RASGRP4: variants seen among roughly 807,000 people sequenced by gnomAD.
The protein encoded by RASGRP4 is RAS guanyl-releasing protein 4.
A neutral mutation model predicts 84.4 loss-of-function variants in RASGRP4; 52 were observed. The observed-to-expected ratio is 0.62, with a 90% CI of 0.49 to 0.78. RASGRP4 has a LOEUF of 0.78. RASGRP4 is among the 30% of genes least tolerant of loss of function. The probability of loss-of-function intolerance (pLI) is 0.00; values close to 1 mark genes in which losing one functional copy is unlikely to be tolerated. For missense variants in RASGRP4, 760 were observed against 886.9 expected (o/e 0.86, Z 1.82); for synonymous variants, 356 against 359.1 (o/e 0.99, Z 0.10).
At chr19:38,424,029 G>A (rs115438109) in intron 1 of RASGRP4, among the ~76,000 whole-genome samples, 83 of 152,236 alleles carry the variant, frequency 5.5e-4, no homozygotes, top group African/African-American at 1.8e-3. Context: ...TTGTGACTTC[G>A]TGTTAGTCAC....
Position 38,412,856 on chromosome 19 carries a change from C to A in RASGRP4, c.1536-40G>T. 1.2e-6 allele frequency: 2 copies of A among 1,611,758 alleles called. No individual in the cohort carries two copies. The highest frequency in any genetic ancestry group is 1.7e-6 in the Non-Finnish European group (2 of 1,178,570). On this transcript the variant is annotated intron_variant, in intron 12 of 16. Coordinates refer to ENST00000615439, the MANE Select transcript of RASGRP4 (RefSeq NM_170604.3). The surrounding 1 kb of genome is among the most constrained non-coding windows in gnomAD (Gnocchi z 4.6). ...TGAGCCTCAGCATGACCTGCCCCAA[C>A]GTCCTCCAGACCCAGGAGTCCAGGC...
Position 38,422,074 on chromosome 19 carries a change from T to C in RASGRP4, c.103A>G (p.Ser35Gly). The change falls in exon 2 of 17, where the codon AGC (serine) becomes GGC (glycine). Residue 35 changes from serine to glycine, a missense_variant. Physicochemically the swap from Ser to Gly is moderately conservative, Grantham distance 56 (BLOSUM62 0). Coordinates refer to ENST00000615439, the MANE Select transcript of RASGRP4 (RefSeq NM_170604.3). ...RQVRRHKTCP[S>G]PREISKVMAS... is the part of the protein sequence containing the mutation. ...ATGACCTTGCTGATTTCCCGAGGGC[T>C]GGGGCATGTCTTGTGGCGGCGCACT... 6.2e-7 allele frequency: 1 copy of C among 1,613,854 alleles called. No individual in the cohort carries two copies. Among genetic ancestry groups the C allele is most frequent in the Non-Finnish European group, 8.5e-7 (1 of 1,179,858 alleles).
At chr19:38,425,686 C>T (rs1461100720) in intron 1 of RASGRP4, among the ~76,000 whole-genome samples, 3 of 152,134 alleles carry the variant, frequency 2.0e-5, no homozygotes, top group Non-Finnish European at 2.9e-5. Flanking sequence ...GCAGGGGAGT[C>T]GCCTTGCCCT....
Position 38,418,620 on chromosome 19 carries a change from T to C in RASGRP4, c.664-56A>G. ...GTGGCGCTCAGGCCCTGCCCTTCCA[T>C]GGCATCCAACTAGCAGTCACGATCT... On this transcript the variant is annotated intron_variant, in intron 6 of 16. Transcript: ENST00000615439. The surrounding 1 kb of genome is among the most constrained non-coding windows in gnomAD (Gnocchi z 4.6). 1 of 1,429,380 alleles carries C rather than the reference T, an allele frequency of 7.0e-7. No individual in the cohort carries two copies. Among genetic ancestry groups the C allele is most frequent in the Non-Finnish European group, 9.2e-7 (1 of 1,082,966 alleles). 88.5% of individuals were successfully genotyped at this position (1,429,380 alleles called of 1,614,324 possible). A position where few individuals can be genotyped will look rare whatever the true frequency, so the allele number is the denominator to read the frequency against.
rs751644039 is a variant in RASGRP4 at position 38,410,014 on chromosome 19, G to A, written c.*26C>T. 6 of 1,596,640 alleles carry A rather than the reference G, an allele frequency of 3.8e-6. No individual in the cohort carries two copies. In the African/African-American group the frequency reaches 6.7e-5, roughly 18 times the overall value. On this transcript the variant is annotated 3_prime_UTR_variant, in exon 17 of 17. Coordinates refer to ENST00000615439, the MANE Select transcript of RASGRP4 (RefSeq NM_170604.3). ...TCAGGACTGACTGGGGGAAGGGAGT[G>A]AGGAAGAGAGGAGACCAAGAGATGT...
chr19:38,410,656 T>G (rs936655094), intron 16 of RASGRP4, among the ~76,000 whole-genome samples: 4 of 152,040 alleles, frequency 2.6e-5, no homozygotes, highest in African/African-American at 9.7e-5. Context: ...CAAGTGATCC[T>G]CCCACCTCAG....
In RASGRP4 at chr19:38,410,307, T is replaced by A. The variant is rs74387292; in HGVS notation, c.1966-211A>T. Among the ~76,000 whole-genome samples, 311 of 152,250 alleles carry A rather than the reference T, an allele frequency of 2.0e-3. 3 individuals are homozygous for A. The East Asian group carries it at 0.044, about 21-fold the overall frequency. ...CATTAACCCGTACAGTAGCTCCTGA[T>A]ATATTTGGCCTTATTCTTGCTATCT... On this transcript the variant is annotated intron_variant, in intron 16 of 16. Transcript: ENST00000615439.
At chr19:38,422,745 C>T (rs935012699) in intron 1 of RASGRP4, among the ~76,000 whole-genome samples, 4 of 152,018 alleles carry the variant, frequency 2.6e-5, no homozygotes, top group Non-Finnish European at 5.9e-5. Flanking sequence ...CACTGATTCT[C>T]CATTATGGTG....
rs1971542480 is a variant in RASGRP4 at position 38,417,379 on chromosome 19, G to A, written c.838-211C>T. 6.6e-6 allele frequency among the ~76,000 whole-genome samples: 1 copy of A among 152,118 alleles called. No individual in the cohort carries two copies. The highest frequency in any genetic ancestry group is 2.4e-5 in the African/African-American group (1 of 41,402). On this transcript the variant is annotated intron_variant, in intron 7 of 16. Coordinates refer to ENST00000615439, the MANE Select transcript of RASGRP4 (RefSeq NM_170604.3). This position sits in a 1 kb window ranked among gnomAD's most constrained non-coding sequence, Gnocchi z 5.1. ...GTCAGATGGCTATCTGAGCCGGGAG[G>A]GTCAAGCAAGTGATTGACTGATACG...
rs1378987655 is a variant in RASGRP4, at chr19:38,413,173, G to A, written c.1416+20C>T. On this transcript the variant is annotated intron_variant, in intron 11 of 16. Coordinates refer to ENST00000615439, the MANE Select transcript of RASGRP4 (RefSeq NM_170604.3). This position sits in a 1 kb window ranked among gnomAD's most constrained non-coding sequence, Gnocchi z 4.7. ...CTTCCCTCCTGGCTGCTGGCGGCCG[G>A]GCCACCCTCCCCTCCTTACCTCCAC... is the stretch of plus-strand genomic sequence containing the variant. The A allele has an allele frequency of 3.7e-6, 6 of 1,607,378 alleles. No homozygotes were observed. Among genetic ancestry groups the A allele is most frequent in the Non-Finnish European group, 5.1e-6 (6 of 1,175,004 alleles).
In RASGRP4 at chr19:38,418,216, G is replaced by A. The variant is rs1447948981; in HGVS notation, c.837+175C>T. ...GTGGGTGCGACGCGGTGACATCAAG[G>A]CCAAAGAAGAAGTTACGGTCCTTGG... On this transcript the variant is annotated intron_variant, in intron 7 of 16. Coordinates refer to ENST00000615439, the MANE Select transcript of RASGRP4 (RefSeq NM_170604.3). This position sits in a 1 kb window ranked among gnomAD's most constrained non-coding sequence, Gnocchi z 4.6. Among the ~76,000 whole-genome samples, 1 of 152,042 alleles carries A rather than the reference G, an allele frequency of 6.6e-6. No homozygotes were observed. The highest frequency in any genetic ancestry group is 1.5e-5 in the Non-Finnish European group (1 of 67,980).
At chr19:38,410,859 T>C (rs574544267) in intron 16 of RASGRP4, 27 bp downstream of exon 16, 40 of 1,492,102 alleles carry the variant, frequency 2.7e-5, no homozygotes, top group Middle Eastern at 1.7e-4. Context: ...CTGTATCCAC[T>C]TGGGGGTAGG....
At chr19:38,414,190 G>A (rs1390502963) in intron 9 of RASGRP4, among the ~76,000 whole-genome samples, 1 of 152,194 alleles carries the variant, frequency 6.6e-6, no homozygotes, top group Non-Finnish European at 1.5e-5. Flanking sequence ...CTCCCAAAGT[G>A]CTAGGATTAG....
At chr19:38,410,150 T>TG in intron 16 of RASGRP4, 54 bp from the exon 17 acceptor site, 1 of 1,446,326 alleles carries the variant, frequency 6.9e-7, no homozygotes, top group Non-Finnish European at 9.7e-7. Context: ...GAGCATATGA[T>TG]GTCTAGGAGA....
rs1971586930 is a variant in RASGRP4, at chr19:38,418,268, G to C, written c.837+123C>G. 2.0e-6 allele frequency: 2 copies of C among 1,004,614 alleles called. No homozygotes were observed. Among genetic ancestry groups the C allele is most frequent in the Non-Finnish European group, 3.0e-6 (2 of 676,714 alleles). 62.2% of individuals were successfully genotyped at this position (1,004,614 alleles called of 1,614,324 possible). ...TGGAATGCCCAGGCTGTGGCCTCGGGGGCGGGGCCGGGAGATGCGTGACGT... is the reference window on the plus strand; with the variant it reads ...TGGAATGCCCAGGCTGTGGCCTCGGCGGCGGGGCCGGGAGATGCGTGACGT... On this transcript the variant is annotated intron_variant, in intron 7 of 16. Coordinates refer to ENST00000615439, the MANE Select transcript of RASGRP4 (RefSeq NM_170604.3). The surrounding 1 kb of genome is among the most constrained non-coding windows in gnomAD (Gnocchi z 4.6).
chr19:38,418,618 C>T lies in RASGRP4; in HGVS notation c.664-54G>A. On this transcript the variant is annotated intron_variant, in intron 6 of 16. Transcript: ENST00000615439. This position sits in a 1 kb window ranked among gnomAD's most constrained non-coding sequence, Gnocchi z 4.6. ...CCGTGGCGCTCAGGCCCTGCCCTTC[C>T]ATGGCATCCAACTAGCAGTCACGAT... 7.0e-6 allele frequency: 10 copies of T among 1,430,566 alleles called. No homozygotes were observed. The highest frequency in any genetic ancestry group is 8.3e-6 in the Non-Finnish European group (9 of 1,083,548). The allele number at this position is 1,430,566 out of a possible 1,614,324, so 88.6% of individuals were successfully genotyped here.
In RASGRP4 at chr19:38,412,424, C is replaced by T; in HGVS notation, c.1680+248G>A. ...GGCGTGAGCCACCACTCCTGGCCTC[C>T]TATCTAGAGTTTTAGGTATTATCCA... On this transcript the variant is annotated intron_variant, in intron 13 of 16. Transcript: ENST00000615439. This position sits in a 1 kb window ranked among gnomAD's most constrained non-coding sequence, Gnocchi z 4.6. 1 of 492,112 alleles carries T rather than the reference C, an allele frequency of 2.0e-6. No homozygotes were observed. The highest frequency in any genetic ancestry group is 3.6e-6 in the Non-Finnish European group (1 of 276,492). 30.5% of individuals were successfully genotyped at this position (492,112 alleles called of 1,614,324 possible).
At chr19:38,422,194 T>C in intron 1 of RASGRP4, 41 bp from the exon 2 acceptor site, 1 of 1,550,338 alleles carries the variant, frequency 6.5e-7, no homozygotes, top group Non-Finnish European at 8.7e-7. Flanking sequence ...AGCACCTTCT[T>C]TCGGACAGAC....
In RASGRP4 at chr19:38,417,092, A is replaced by G; in HGVS notation, c.914T>C (p.Leu305Pro). The change falls in exon 8 of 17, where the codon CTC (leucine) becomes CCC (proline). Residue 305 changes from leucine to proline, a missense_variant. Transcript: ENST00000615439. This position sits in a 1 kb window ranked among gnomAD's most constrained non-coding sequence, Gnocchi z 5.1. Reference protein sequence around the residue: ...GGLCHSAISRLKDSHAHLSPD... With the variant: ...GGLCHSAISRPKDSHAHLSPD... ...GCTCAGGTGGGCATGGGAGTCCTTG[A>G]GTCTGGAGATGGCACTGTGACACAG... The G allele has an allele frequency of 6.4e-7, 1 of 1,564,116 alleles. No individual in the cohort carries two copies. Among genetic ancestry groups the G allele is most frequent in the South Asian group, 1.2e-5 (1 of 84,744 alleles).
Sources: gnomAD v4.1 joint callset for allele counts (sites outside exome capture counted in the v4.1 genomes callset) on GRCh38, gnomAD v4.1.1 for gene constraint, Gnocchi (gnomAD v3.1) non-coding constraint, MANE v1.5 for transcripts, NCBI Gene and HGNC (gene_info 2026-07-23, HGNC 2026-07-21) for gene names.